The following FRMPD1 variants were observed in gnomAD, a reference collection of about 807,000 sequenced individuals.
FRMPD1 encodes FERM and PDZ domain-containing protein 1.
In FRMPD1, 76 loss-of-function variants were observed where a neutral mutation model predicts 117.8. The ratio of observed to expected loss-of-function variants is 0.65; its 90% CI spans 0.54 to 0.78. The LOEUF (loss-of-function observed/expected upper bound fraction) is 0.78. Ranked by LOEUF, FRMPD1 falls within the 30% of genes least tolerant of loss-of-function variation. The pLI is 0.00. For missense variants in FRMPD1, 1,786 were observed against 1,964.5 expected, an observed-to-expected ratio of 0.91 and a Z score of 1.72; for synonymous variants, 783 against 770.4, an observed-to-expected ratio of 1.02 and a Z score of -0.27.
chr9:37,712,715 A>G (rs1312045968), intron 5 of FRMPD1, among the ~76,000 whole-genome samples: 1 of 152,216 alleles, frequency 6.6e-6, no homozygotes, highest in African/African-American at 2.4e-5. Context: ...AGTAAAATTC[A>G]TGGCCTTGAG....
the FRMPD1 span, among the ~76,000 whole-genome samples, chr9:37,643,146 A>G: frequency 1.3e-5 from 2 of 152,344 alleles, no homozygotes; most frequent in South Asian, 4.1e-4. Flanking sequence ...AAATTAATAC[A>G]GTGTAGAAAT....
intron 1 of FRMPD1, among the ~76,000 whole-genome samples, chr9:37,656,468 G>A (rs995233484): frequency 1.3e-5 from 2 of 152,122 alleles, no homozygotes; most frequent in African/African-American, 4.8e-5. Context: ...GTTCCTTACT[G>A]TAAAAAAGAT....
the FRMPD1 span, among the ~76,000 whole-genome samples, chr9:37,610,942 T>C: frequency 6.6e-6 from 1 of 152,224 alleles, no homozygotes; most frequent in Non-Finnish European, 1.5e-5. Flanking sequence ...ATTTTATGTA[T>C]GGACATACTA....
intron 1 of FRMPD1, among the ~76,000 whole-genome samples, chr9:37,685,104 A>T (rs1297351299): frequency 6.6e-6 from 1 of 152,180 alleles, no homozygotes; most frequent in East Asian, 1.9e-4. Flanking sequence ...AAACTTTTAC[A>T]TCTCCCAGAG....
chr9:37,643,513 A>G, the FRMPD1 span, among the ~76,000 whole-genome samples: 1 of 152,166 alleles, frequency 6.6e-6, no homozygotes, highest in African/African-American at 2.4e-5. Context: ...AAAATTGTGT[A>G]TTTAACTTTC....
intron 1 of FRMPD1, among the ~76,000 whole-genome samples, chr9:37,676,669 C>T (rs1346467002): frequency 2.0e-5 from 3 of 152,120 alleles, no homozygotes; most frequent in East Asian, 1.9e-4. Context: ...CAGAGTGGCC[C>T]GTTGGCCTGA....
intron 1 of FRMPD1, among the ~76,000 whole-genome samples, chr9:37,676,704 C>T (rs1299456285): frequency 1.3e-5 from 2 of 152,300 alleles, no homozygotes; most frequent in Non-Finnish European, 2.9e-5. Flanking sequence ...TTCTGATTGG[C>T]AGGCGGCATC....
chr9:37,640,737 T>C, the FRMPD1 span, among the ~76,000 whole-genome samples: 1 of 152,236 alleles, frequency 6.6e-6, no homozygotes. Flanking sequence ...GTTTTAACAA[T>C]GAATTATTTT....
intron 1 of FRMPD1, among the ~76,000 whole-genome samples, chr9:37,681,225 A>AAAG (rs1821720166): frequency 1.3e-5 from 2 of 151,768 alleles, no homozygotes; most frequent in Non-Finnish European, 2.9e-5. Flanking sequence ...AAAAAAAAAA[A>AAAG]AAAAGAAAGA....
At chr9:37,650,586 G>A (rs552888457), upstream of FRMPD1, among the ~76,000 whole-genome samples, 42 of 152,330 alleles carry the variant, frequency 2.8e-4, no homozygotes, top group South Asian at 1.2e-3. Context: ...CGTGAGAAGG[G>A]GGTCGTTTTG....
intron 2 of FRMPD1, among the ~76,000 whole-genome samples, chr9:37,696,045 G>A (rs992900369): frequency 1.9e-3 from 110 of 57,470 alleles, no homozygotes; most frequent in Middle Eastern, 0.017. Context: ...GTTCTCCATT[G>A]TTTTGCTTTT....
chr9:37,688,307 A>C (rs574026693), intron 1 of FRMPD1, among the ~76,000 whole-genome samples: 1 of 151,680 alleles, frequency 6.6e-6, no homozygotes, highest in East Asian at 1.9e-4. Flanking sequence ...ACAAATGACA[A>C]TGTCTAGTTT....
chr9:37,638,782 A>C, the FRMPD1 span, among the ~76,000 whole-genome samples: 149 of 152,330 alleles, frequency 9.8e-4, no homozygotes, highest in South Asian at 1.9e-3. Context: ...AAACTGTTAT[A>C]ATGTGTTCTA....
chr9:37,715,443 A>G (rs1823078781), intron 5 of FRMPD1, among the ~76,000 whole-genome samples: 2 of 152,212 alleles, frequency 1.3e-5, no homozygotes, highest in Non-Finnish European at 2.9e-5. Flanking sequence ...TGTGTAGCCC[A>G]GGGCAGAGGG....
chr9:37,649,031 T>C (rs1820589607), upstream of FRMPD1, among the ~76,000 whole-genome samples: 1 of 151,896 alleles, frequency 6.6e-6, no homozygotes, highest in Non-Finnish European at 1.5e-5. Context: ...AGAGCGGGGT[T>C]AGGGGCTGGG....
chr9:37,656,518 C>G (rs529415646), intron 1 of FRMPD1, among the ~76,000 whole-genome samples: 1 of 152,198 alleles, frequency 6.6e-6, no homozygotes, highest in Non-Finnish European at 1.5e-5. Context: ...TACCTATGCA[C>G]TTAACACCAA....
intron 1 of FRMPD1, among the ~76,000 whole-genome samples, chr9:37,660,474 T>C (rs1820968276): frequency 1.3e-5 from 2 of 152,128 alleles, no homozygotes; most frequent in Non-Finnish European, 2.9e-5. Context: ...GCTCAGGTCT[T>C]ACAGGGACCT....
At chr9:37,607,112 C>T in the FRMPD1 span, among the ~76,000 whole-genome samples, 9 of 152,194 alleles carry the variant, frequency 5.9e-5, 1 homozygote, top group Admixed American at 2.6e-4. Context: ...GTCAGGATTT[C>T]GAGACCAGCC....
chr9:37,626,759 A>G, the FRMPD1 span, among the ~76,000 whole-genome samples: 1 of 151,818 alleles, frequency 6.6e-6, no homozygotes, highest in Non-Finnish European at 1.5e-5. Flanking sequence ...ACTGCATTCC[A>G]GTCTGGGCAA....
Sources: allele counts gnomAD v4.1 joint callset (sites outside exome capture counted in the v4.1 genomes callset), GRCh38; gene constraint gnomAD v4.1.1; transcripts MANE v1.5; gene names NCBI Gene and HGNC (gene_info 2026-07-23, HGNC 2026-07-21).